The following TBX15 variants were observed in gnomAD, a reference collection of about 807,000 sequenced individuals.
The protein encoded by TBX15 is T-box transcription factor 15, also known as T-box transcription factor TBX15.
In TBX15, 18 loss-of-function variants were observed where a neutral mutation model predicts 53.9. That is an observed-to-expected ratio of 0.33 (90% CI 0.23 to 0.49). TBX15 has a LOEUF of 0.49. Ranked by LOEUF, TBX15 falls within the 20% of genes least tolerant of loss-of-function variation. The pLI is 0.98. For synonymous variants in TBX15, 295 were observed against 278.0 expected, an observed-to-expected ratio of 1.06 and a Z score of -0.61; for missense variants, 692 against 749.5, an observed-to-expected ratio of 0.92 and a Z score of 0.90.
intron 1 of TBX15, among the ~76,000 whole-genome samples, chr1:118,978,710 A>G (rs538268634): frequency 4.6e-5 from 7 of 152,332 alleles, no homozygotes; most frequent in African/African-American, 1.4e-4. Context: ...ATATATCCAC[A>G]TAAGTAAGTA....
chr1:118,962,519 T>C (rs1347636842), intron 1 of TBX15, among the ~76,000 whole-genome samples: 1 of 152,128 alleles, frequency 6.6e-6, no homozygotes, highest in Non-Finnish European at 1.5e-5. Context: ...CAAAATATCC[T>C]AGATGGACAA....
At chr1:118,934,917 G>A (rs1655915467) in intron 1 of TBX15, among the ~76,000 whole-genome samples, 1 of 152,128 alleles carries the variant, frequency 6.6e-6, no homozygotes, top group South Asian at 2.1e-4. Flanking sequence ...AGGATCCAGT[G>A]ACTTTTATAT....
chr1:118,884,559 A>G lies in TBX15; in HGVS notation c.*173T>C, dbSNP rs553146213. 1 of 765,466 alleles carries G rather than the reference A, an allele frequency of 1.3e-6. No homozygotes were observed. Among genetic ancestry groups the G allele is most frequent in the South Asian group, 1.9e-5 (1 of 52,386 alleles). The allele number at this position is 765,466 out of a possible 1,614,324, so 47.4% of individuals were successfully genotyped here. ...GATGATTCTATCGCAAGTATCCTTC[A>G]CTGGCTTAAAGGTATCTCTTGTTCT... On this transcript the variant is annotated 3_prime_UTR_variant, in exon 8 of 8. Transcript: ENST00000369429.
intron 6 of TBX15, among the ~76,000 whole-genome samples, chr1:118,903,012 C>T (rs1571159214): frequency 6.6e-6 from 1 of 152,086 alleles, no homozygotes; most frequent in African/African-American, 2.4e-5. Flanking sequence ...TGCTGAACAG[C>T]AGAGACCTGA....
At chr1:118,897,516 G>A (rs1239628122) in intron 7 of TBX15, among the ~76,000 whole-genome samples, 1 of 152,184 alleles carries the variant, frequency 6.6e-6, no homozygotes, top group Non-Finnish European at 1.5e-5. Context: ...GAGAAGCAAA[G>A]AAGCCACCAG....
At chr1:118,944,723 T>C (rs571956046) in intron 1 of TBX15, among the ~76,000 whole-genome samples, 1 of 152,312 alleles carries the variant, frequency 6.6e-6, no homozygotes, top group East Asian at 1.9e-4. Flanking sequence ...CCAGGGGCCA[T>C]GGCATTTAAG....
intron 7 of TBX15, among the ~76,000 whole-genome samples, chr1:118,888,825 T>A (rs17022688): frequency 0.057 from 8,660 of 152,044 alleles, 814 homozygotes; most frequent in African/African-American, 0.2. Flanking sequence ...AGCAGATGAC[T>A]TCCTACAACT....
rs1171072151 is a variant in TBX15 at position 118,884,569 on chromosome 1, A to G, written c.*163T>C. 2.4e-6 allele frequency: 2 copies of G among 823,694 alleles called. No homozygotes were observed. The highest frequency in any genetic ancestry group is 3.7e-6 in the Non-Finnish European group (2 of 540,636). The allele number at this position is 823,694 out of a possible 1,614,324, so 51.0% of individuals were successfully genotyped here. ...TCGCAAGTATCCTTCACTGGCTTAAAGGTATCTCTTGTTCTTGGGTATATG... is the reference window on the plus strand; with the variant it reads ...TCGCAAGTATCCTTCACTGGCTTAAGGGTATCTCTTGTTCTTGGGTATATG... On this transcript the variant is annotated 3_prime_UTR_variant, in exon 8 of 8. Coordinates refer to ENST00000369429, the MANE Select transcript of TBX15 (RefSeq NM_001330677.2).
chr1:118,962,361 C>T (rs551302218), intron 1 of TBX15, among the ~76,000 whole-genome samples: 1 of 152,200 alleles, frequency 6.6e-6, no homozygotes, highest in East Asian at 1.9e-4. Flanking sequence ...TTCCTCAATG[C>T]GTAATGACAA....
intron 7 of TBX15, among the ~76,000 whole-genome samples, chr1:118,889,175 C>T (rs1187237168): frequency 6.6e-6 from 1 of 152,142 alleles, no homozygotes; most frequent in African/African-American, 2.4e-5. Flanking sequence ...CTCTTGTGAA[C>T]ATAAAGTACT....
intron 1 of TBX15, among the ~76,000 whole-genome samples, chr1:118,937,038 T>G (rs554683120): frequency 2.0e-5 from 3 of 152,290 alleles, no homozygotes; most frequent in African/African-American, 7.2e-5. Context: ...GGAAAATTGT[T>G]GAGGAGCTTT....
chr1:118,979,960 G>A (rs1417802303), intron 1 of TBX15, among the ~76,000 whole-genome samples: 1 of 152,200 alleles, frequency 6.6e-6, no homozygotes, highest in African/African-American at 2.4e-5. Context: ...GCCCCGCGGC[G>A]CCTCCAAGGC....
chr1:118,914,478 T>C (rs1655124006), intron 5 of TBX15, among the ~76,000 whole-genome samples: 2 of 152,150 alleles, frequency 1.3e-5, no homozygotes, highest in South Asian at 2.1e-4. Context: ...TAGACAGATA[T>C]TGAAATGGAA....
chr1:118,953,310 A>T (rs1228406117), intron 1 of TBX15, among the ~76,000 whole-genome samples: 1 of 152,222 alleles, frequency 6.6e-6, no homozygotes, highest in Non-Finnish European at 1.5e-5. Flanking sequence ...AATACAAGAC[A>T]TAGAATAAAT....
At chr1:118,888,051 T>A (rs1654012144) in intron 7 of TBX15, among the ~76,000 whole-genome samples, 1 of 152,222 alleles carries the variant, frequency 6.6e-6, no homozygotes, top group African/African-American at 2.4e-5. Flanking sequence ...CTTCCTCCTT[T>A]CTAATACTCA....
At chr1:118,907,755 G>A (rs1202319297) in intron 6 of TBX15, among the ~76,000 whole-genome samples, 2 of 152,072 alleles carry the variant, frequency 1.3e-5, no homozygotes, top group Admixed American at 6.6e-5. Flanking sequence ...TCCCCATTGG[G>A]GTGGCCAACC....
intron 6 of TBX15, among the ~76,000 whole-genome samples, chr1:118,913,663 A>T (rs1655096990): frequency 6.6e-6 from 1 of 152,206 alleles, no homozygotes; most frequent in Non-Finnish European, 1.5e-5. Flanking sequence ...ACTATTTCCC[A>T]GGAGAAAAAC....
intron 5 of TBX15, among the ~76,000 whole-genome samples, chr1:118,918,523 G>C (rs762303342): frequency 1.3e-5 from 2 of 152,138 alleles, no homozygotes; most frequent in African/African-American, 4.8e-5. Flanking sequence ...GTAATCTCCT[G>C]TGCGACTAAA....
At chr1:118,906,953 A>G (rs971474299) in intron 6 of TBX15, among the ~76,000 whole-genome samples, 6 of 152,286 alleles carry the variant, frequency 3.9e-5, no homozygotes, top group East Asian at 1.9e-4. Context: ...CCCATATAAA[A>G]CAACTTCCTT....
Sources: gnomAD v4.1 joint callset for allele counts (sites outside exome capture counted in the v4.1 genomes callset) on GRCh38, gnomAD v4.1.1 for gene constraint, MANE v1.5 for transcripts, NCBI Gene and HGNC (gene_info 2026-07-23, HGNC 2026-07-21) for gene names.